Variants in ANKS1B observed in about 807,000 individuals in gnomAD.
The protein encoded by ANKS1B is ankyrin repeat and sterile alpha motif domain-containing protein 1B.
A neutral mutation model predicts 148.3 loss-of-function variants in ANKS1B; 36 were observed. The observed-to-expected ratio is 0.24, with a 90% CI of 0.19 to 0.32. The LOEUF (loss-of-function observed/expected upper bound fraction) is 0.32, where lower values mean the gene tolerates loss of function less well. Among genes scored for constraint, ANKS1B ranks in the 10% least tolerant of loss-of-function variants. The pLI is 1.00. For synonymous variants in ANKS1B, 542 were observed against 560.8 expected, an observed-to-expected ratio of 0.97 and a Z score of 0.47; for missense variants, 1,157 against 1,542.6, an observed-to-expected ratio of 0.75 and a Z score of 4.19.
At chr12:99,827,526 T>C (rs1435142390) in intron 1 of ANKS1B, among the ~76,000 whole-genome samples, 3 of 152,180 alleles carry the variant, frequency 2.0e-5, no homozygotes, top group Non-Finnish European at 4.4e-5. Flanking sequence ...CGTGAGTAGA[T>C]TTTAGCTGCT....
At chr12:98,909,488 G>A (rs2099783825) in intron 17 of ANKS1B, among the ~76,000 whole-genome samples, 1 of 152,198 alleles carries the variant, frequency 6.6e-6, no homozygotes, top group Non-Finnish European at 1.5e-5. Flanking sequence ...TTCCTGGTCA[G>A]TGACACTTTA....
intron 9 of ANKS1B, among the ~76,000 whole-genome samples, chr12:99,573,582 G>A (rs2097484783): frequency 6.6e-6 from 1 of 151,940 alleles, no homozygotes; most frequent in Admixed American, 6.6e-5. Context: ...TGCCTATTCA[G>A]AGCAGCTTAA....
At chr12:99,244,502 TA>T (rs1487365790) in intron 13 of ANKS1B, 88 bp from the exon 14 acceptor site, 7 of 814,394 alleles carry the variant, frequency 8.6e-6, no homozygotes, top group Non-Finnish European at 1.1e-5. Flanking sequence ...AGGGAGCAAA[TA>T]TTTTTGATGT....
chr12:98,851,489 T>C (rs1397593077), intron 17 of ANKS1B, among the ~76,000 whole-genome samples: 2 of 152,178 alleles, frequency 1.3e-5, no homozygotes, highest in African/African-American at 4.8e-5. Context: ...CTGTTTATGG[T>C]TTCAAAATTT....
chr12:98,826,499 C>T (rs1238432043), intron 19 of ANKS1B, among the ~76,000 whole-genome samples: 6 of 152,032 alleles, frequency 3.9e-5, no homozygotes, highest in Admixed American at 6.6e-5. Context: ...TGAATTATTG[C>T]GGCCACCAAG....
chr12:99,772,845 A>G, intron 8 of ANKS1B, 77 bp downstream of exon 8: 2 of 1,376,294 alleles, frequency 1.5e-6, no homozygotes, highest in Non-Finnish European at 1.9e-6. Flanking sequence ...AATGCACCAC[A>G]TCCCATACCT....
intron 8 of ANKS1B, among the ~76,000 whole-genome samples, chr12:99,728,110 A>G (rs1465500607): frequency 6.6e-6 from 1 of 152,186 alleles, no homozygotes; most frequent in East Asian, 1.9e-4. Context: ...AAGCAATTCC[A>G]ACAAAAGCCA....
intron 12 of ANKS1B, among the ~76,000 whole-genome samples, chr12:99,277,209 C>T (rs1345956039): frequency 1.3e-5 from 2 of 152,184 alleles, no homozygotes; most frequent in African/African-American, 2.4e-5. Flanking sequence ...TTCCTATCTG[C>T]CATGTAGTTC....
At chr12:98,862,131 C>T (rs1398197067) in intron 17 of ANKS1B, among the ~76,000 whole-genome samples, 1 of 152,078 alleles carries the variant, frequency 6.6e-6, no homozygotes, top group Non-Finnish European at 1.5e-5. Context: ...TGTTTGTCAT[C>T]CCTCAGTGTA....
chr12:98,804,537 A>C (rs1287848363), intron 20 of ANKS1B, among the ~76,000 whole-genome samples: 1 of 152,136 alleles, frequency 6.6e-6, no homozygotes, highest in African/African-American at 2.4e-5. Flanking sequence ...ACTGGACTTA[A>C]CATTACACTG....
chr12:99,466,486 T>C (rs372462888), intron 10 of ANKS1B, among the ~76,000 whole-genome samples: 3 of 151,770 alleles, frequency 2.0e-5, no homozygotes, highest in East Asian at 3.9e-4. Context: ...TTCAAAAAAT[T>C]AATAAATCCA....
At chr12:99,649,212 TTTTG>T in intron 9 of ANKS1B, 1 of 1,136,114 alleles carries the variant, frequency 8.8e-7, no homozygotes, top group Non-Finnish European at 1.3e-6. Context: ...AATAATTTCT[TTTTG>T]TTGTTTACCT....
intron 8 of ANKS1B, among the ~76,000 whole-genome samples, chr12:99,666,839 G>A (rs1186663110): frequency 3.4e-5 from 5 of 148,408 alleles, no homozygotes; most frequent in East Asian, 2.1e-4. Flanking sequence ...TCTCCATCAC[G>A]TCATATAGTT....
chr12:99,711,080 T>A (rs1281626318), intron 8 of ANKS1B, among the ~76,000 whole-genome samples: 3 of 152,114 alleles, frequency 2.0e-5, no homozygotes, highest in Non-Finnish European at 4.4e-5. Flanking sequence ...TTTCCAGCTC[T>A]GATTGGATTT....
chr12:99,378,021 A>G (rs1028460473), intron 12 of ANKS1B, among the ~76,000 whole-genome samples: 1 of 152,212 alleles, frequency 6.6e-6, no homozygotes, highest in African/African-American at 2.4e-5. Flanking sequence ...TAATTAAAAG[A>G]GAGCCTCAAG....
At chr12:98,844,796 T>C (rs1223021093) in intron 17 of ANKS1B, among the ~76,000 whole-genome samples, 1 of 152,206 alleles carries the variant, frequency 6.6e-6, no homozygotes, top group African/African-American at 2.4e-5. Context: ...AATATTTTTA[T>C]TAATGGCATC....
At chr12:98,965,000 G>C (rs1017795083) in intron 17 of ANKS1B, among the ~76,000 whole-genome samples, 2 of 152,056 alleles carry the variant, frequency 1.3e-5, no homozygotes, top group African/African-American at 4.8e-5. Context: ...AAATACTTGA[G>C]GTGATGCATA....
intron 12 of ANKS1B, among the ~76,000 whole-genome samples, chr12:99,258,013 C>T (rs1054541424): frequency 3.0e-4 from 45 of 152,284 alleles, no homozygotes; most frequent in African/African-American, 1.0e-3. Context: ...TGTTCTGCTG[C>T]AGAAAGATCT....
intron 10 of ANKS1B, among the ~76,000 whole-genome samples, chr12:99,467,764 A>G (rs1318094316): frequency 6.6e-6 from 1 of 152,232 alleles, no homozygotes; most frequent in African/African-American, 2.4e-5. Context: ...GGAGAACTAC[A>G]AACCACTGCT....
Sources: allele counts gnomAD v4.1 joint callset (sites outside exome capture counted in the v4.1 genomes callset), GRCh38; gene constraint gnomAD v4.1.1; transcripts MANE v1.5; gene names NCBI Gene and HGNC (gene_info 2026-07-23, HGNC 2026-07-21).